The following KCNJ3 variants were observed in gnomAD, a reference collection of about 807,000 sequenced individuals.
KCNJ3 encodes the protein G protein-activated inward rectifier potassium channel 1.
Under a neutral mutation model 39.2 loss-of-function variants are expected in KCNJ3, and 4 were observed. The observed-to-expected ratio is 0.10, with a 90% CI of 0.05 to 0.23. KCNJ3 has a LOEUF of 0.23. Among genes scored for constraint, KCNJ3 ranks in the 10% least tolerant of loss-of-function variants. The probability of loss-of-function intolerance (pLI) is 1.00; values close to 1 mark genes in which losing one functional copy is unlikely to be tolerated. For missense variants in KCNJ3, 276 were observed against 634.9 expected (o/e 0.43, Z 6.08); for synonymous variants, 230 against 237.4 (o/e 0.97, Z 0.29).
chr2:154,828,637 A>G (rs1687310128), intron 2 of KCNJ3, among the ~76,000 whole-genome samples: 2 of 152,168 alleles, frequency 1.3e-5, no homozygotes, highest in Admixed American at 1.3e-4. Context: ...TTCTAGTCCA[A>G]TGTGAAGCAC....
chr2:154,854,752 A>T lies in KCNJ3; in HGVS notation c.945A>T (p.Ser315=). The T allele has an allele frequency of 6.2e-7, 1 of 1,613,160 alleles. No individual in the cohort carries two copies. ...GGATGACTTGTCAAGCTCGAACATC[A>T]TATACTGAAGATGAAGTTCTTTGGG... The part of the protein sequence containing the change: ...TTGMTCQART[S]YTEDEVLWGH... The change falls in exon 3 of 3, where the codon TCA becomes TCT. Residue 315 remains serine (S), a synonymous_variant. Coordinates refer to ENST00000295101, the MANE Select transcript of KCNJ3 (RefSeq NM_002239.4).
chr2:154,753,006 A>G (rs969150143), intron 2 of KCNJ3, among the ~76,000 whole-genome samples: 1 of 152,070 alleles, frequency 6.6e-6, no homozygotes, highest in Admixed American at 6.6e-5. Context: ...GGTATCAGTT[A>G]TTGTTCTAAG....
chr2:154,770,948 T>C (rs913868770), intron 2 of KCNJ3, among the ~76,000 whole-genome samples: 1 of 148,946 alleles, frequency 6.7e-6, no homozygotes, highest in Non-Finnish European at 1.5e-5. Context: ...TAGAGTGCAG[T>C]GGCACAATTG....
intron 2 of KCNJ3, among the ~76,000 whole-genome samples, chr2:154,731,712 G>GT (rs1685451335): frequency 8.8e-6 from 1 of 113,472 alleles, no homozygotes; most frequent in Non-Finnish European, 1.8e-5. Context: ...ATCTTGCTCT[G>GT]GAAAAAAAAA....
intron 2 of KCNJ3, among the ~76,000 whole-genome samples, chr2:154,828,112 AG>A (rs1687300461): frequency 6.6e-6 from 1 of 152,204 alleles, no homozygotes; most frequent in Non-Finnish European, 1.5e-5. Context: ...ACTAAGTCTT[AG>A]AAGACATTTA....
intron 2 of KCNJ3, among the ~76,000 whole-genome samples, chr2:154,781,337 G>T (rs963124143): frequency 3.3e-5 from 5 of 152,142 alleles, no homozygotes; most frequent in Non-Finnish European, 7.4e-5. Context: ...TCTGGAACAG[G>T]AATGAACCTT....
chr2:154,704,978 C>CTCCTT (rs1684976742), intron 1 of KCNJ3, among the ~76,000 whole-genome samples: 1 of 152,202 alleles, frequency 6.6e-6, no homozygotes, highest in Non-Finnish European at 1.5e-5. Flanking sequence ...CCGTCTTAGC[C>CTCCTT]TCCTTTCCTT....
intron 2 of KCNJ3, among the ~76,000 whole-genome samples, chr2:154,797,761 TATG>T (rs1686746904): frequency 6.6e-6 from 1 of 152,074 alleles, no homozygotes. Flanking sequence ...TTATGGAACA[TATG>T]ATGATTTATA....
intron 2 of KCNJ3, among the ~76,000 whole-genome samples, chr2:154,762,814 C>T (rs1008175326): frequency 1.3e-5 from 2 of 152,158 alleles, no homozygotes; most frequent in Non-Finnish European, 2.9e-5. Context: ...TTACATTGAA[C>T]TGGCTATTGA....
intron 2 of KCNJ3, among the ~76,000 whole-genome samples, chr2:154,829,936 G>GAA (rs990274094): frequency 2.0e-5 from 3 of 151,982 alleles, no homozygotes; most frequent in African/African-American, 7.2e-5. Context: ...ATCTTCTTTG[G>GAA]AAAAGTCCCA....
intron 2 of KCNJ3, among the ~76,000 whole-genome samples, chr2:154,805,920 C>T (rs1243754318): frequency 6.6e-6 from 1 of 152,080 alleles, no homozygotes; most frequent in East Asian, 1.9e-4. Flanking sequence ...CAATGTTCTA[C>T]ATGAACATAT....
At chr2:154,806,110 T>C (rs975853554) in intron 2 of KCNJ3, among the ~76,000 whole-genome samples, 1 of 152,166 alleles carries the variant, frequency 6.6e-6, no homozygotes, top group African/African-American at 2.4e-5. Context: ...AAATGTATGT[T>C]GTTTCCTCTC....
intron 2 of KCNJ3, among the ~76,000 whole-genome samples, chr2:154,711,180 T>C (rs538869844): frequency 1.1e-4 from 16 of 152,230 alleles, no homozygotes; most frequent in African/African-American, 3.6e-4. Flanking sequence ...AATTGAAATA[T>C]CATAGTATTT....
At chr2:154,722,427 G>C (rs1685277685) in intron 2 of KCNJ3, among the ~76,000 whole-genome samples, 1 of 152,090 alleles carries the variant, frequency 6.6e-6, no homozygotes. Context: ...AAAGAAGGGG[G>C]AAAAGAATAT....
At chr2:154,805,740 A>G (rs376586433) in intron 2 of KCNJ3, among the ~76,000 whole-genome samples, 4 of 152,208 alleles carry the variant, frequency 2.6e-5, no homozygotes, top group South Asian at 4.1e-4. Flanking sequence ...GAATGTGCAT[A>G]TATCACACAA....
chr2:154,849,550 C>T (rs1293792237), intron 2 of KCNJ3, among the ~76,000 whole-genome samples: 1 of 152,046 alleles, frequency 6.6e-6, no homozygotes, highest in Non-Finnish European at 1.5e-5. Flanking sequence ...ATAAAGCGTC[C>T]ATGTTCAGAA....
chr2:154,761,636 GAGAT>G (rs1686048329), intron 2 of KCNJ3, among the ~76,000 whole-genome samples: 1 of 152,166 alleles, frequency 6.6e-6, no homozygotes, highest in Admixed American at 6.5e-5. Flanking sequence ...CATGTTGAAT[GAGAT>G]AGATAGGATT....
At position 154,835,238 on chromosome 2, in the gene KCNJ3, T is replaced by G. The variant is rs140501691; in HGVS notation, c.920-19489T>G. 6.3e-3 allele frequency among the ~76,000 whole-genome samples: 957 copies of G among 152,046 alleles called. 6 individuals are homozygous for G. The highest frequency in any genetic ancestry group is 0.011 in the African/African-American group (462 of 41,520). Reference sequence around the variant, plus strand: ...AAGGATTTAATCATTACAGTTTATATATTTTTCAGGTTAATTGGAATATTA... The same window carrying G: ...AAGGATTTAATCATTACAGTTTATAGATTTTTCAGGTTAATTGGAATATTA... On this transcript the variant is annotated intron_variant, in intron 2 of 2. Transcript: ENST00000295101.
At chr2:154,714,395 T>C (rs1248900421) in intron 2 of KCNJ3, among the ~76,000 whole-genome samples, 1 of 152,194 alleles carries the variant, frequency 6.6e-6, no homozygotes, top group Non-Finnish European at 1.5e-5. Flanking sequence ...ATATCCTACA[T>C]CCCTGCTTCT....
Sources: allele counts gnomAD v4.1 joint callset (sites outside exome capture counted in the v4.1 genomes callset), GRCh38; gene constraint gnomAD v4.1.1; transcripts MANE v1.5; gene names NCBI Gene and HGNC (gene_info 2026-07-23, HGNC 2026-07-21).